Variants in NRXN3 observed in about 807,000 individuals in gnomAD.
NRXN3 encodes neurexin III.
A neutral mutation model predicts 137.6 loss-of-function variants in NRXN3; 32 were observed. The observed-to-expected ratio is 0.23, with a 90% confidence interval of 0.18 to 0.31. NRXN3 has a LOEUF of 0.31. Ranked by LOEUF, NRXN3 falls within the 10% of genes least tolerant of loss-of-function variation. The pLI, the probability that NRXN3 is intolerant of heterozygous loss-of-function variation, is 1.00. For synonymous variants in NRXN3, 798 were observed against 784.5 expected, an observed-to-expected ratio of 1.02 and a Z score of -0.29; for missense variants, 1,574 against 2,062.5, an observed-to-expected ratio of 0.76 and a Z score of 4.59.
At chr14:79,101,635 T>C (rs1033124649) in intron 15 of NRXN3, among the ~76,000 whole-genome samples, 10 of 152,186 alleles carry the variant, frequency 6.6e-5, no homozygotes, top group African/African-American at 2.2e-4. Context: ...TTCTCCATCC[T>C]GTGTGCGGCA....
intron 16 of NRXN3, among the ~76,000 whole-genome samples, chr14:79,502,344 G>A (rs758593120): frequency 2.8e-4 from 43 of 152,154 alleles, no homozygotes; most frequent in Non-Finnish European, 5.4e-4. Context: ...CAGACCCTCC[G>A]AGTGAAGTAC....
chr14:78,877,851 T>C (rs1374641656), intron 10 of NRXN3, among the ~76,000 whole-genome samples: 1 of 152,206 alleles, frequency 6.6e-6, no homozygotes, highest in Admixed American at 6.5e-5. Context: ...AGGTGCCAGA[T>C]ACTATGTTGG....
At chr14:78,207,640 T>C (rs2062338355) in intron 1 of NRXN3, among the ~76,000 whole-genome samples, 1 of 152,208 alleles carries the variant, frequency 6.6e-6, no homozygotes, top group Admixed American at 6.5e-5. Context: ...GGGTAGCATC[T>C]CCATCTATCC....
chr14:78,536,385 C>A (rs2096535518), intron 4 of NRXN3, among the ~76,000 whole-genome samples: 1 of 152,202 alleles, frequency 6.6e-6, no homozygotes, highest in South Asian at 2.1e-4. Context: ...CTGCACTTCA[C>A]TCTTGGTCTG....
At chr14:78,771,194 A>G (rs2098726631) in intron 8 of NRXN3, among the ~76,000 whole-genome samples, 1 of 152,146 alleles carries the variant, frequency 6.6e-6, no homozygotes, top group Non-Finnish European at 1.5e-5. Context: ...TCTGGAGCAA[A>G]AACCACCTCT....
intron 4 of NRXN3, among the ~76,000 whole-genome samples, chr14:78,588,717 C>T (rs2097090678): frequency 2.0e-5 from 3 of 152,226 alleles, no homozygotes; most frequent in Non-Finnish European, 4.4e-5. Context: ...TGTGAAGCAT[C>T]ATTCTTAAGG....
intron 4 of NRXN3, among the ~76,000 whole-genome samples, chr14:78,366,788 C>T (rs1167130617): frequency 6.6e-6 from 1 of 152,224 alleles, no homozygotes; most frequent in Non-Finnish European, 1.5e-5. Context: ...TTACCTCCCA[C>T]TGGGTTCCTC....
In NRXN3 at chr14:79,212,591, T is replaced by C. The variant is rs374288162; in HGVS notation, c.3262+224450T>C. On this transcript the variant is annotated intron_variant, in intron 15 of 20. Transcript: ENST00000335750. ...GTTAATACCTATACTTTATACCTGTTGTTTTAAATGAGGCAGTTCTTCCTC... is the reference window on the plus strand; with the variant it reads ...GTTAATACCTATACTTTATACCTGTCGTTTTAAATGAGGCAGTTCTTCCTC... 5.9e-5 allele frequency among the ~76,000 whole-genome samples: 9 copies of C among 152,328 alleles called. No homozygotes were observed. The South Asian group carries it at 1.0e-3, about 18-fold the overall frequency.
chr14:78,285,051 C>A (rs1324794677), intron 3 of NRXN3, among the ~76,000 whole-genome samples: 2 of 152,190 alleles, frequency 1.3e-5, no homozygotes, highest in African/African-American at 2.4e-5. Context: ...CGCCCTTGGG[C>A]AAGTCATGTA....
rs913941322 is a variant in NRXN3 at position 79,087,077 on chromosome 14, TC to T, written c.3262+98937del. Among the ~76,000 whole-genome samples the T allele has an allele frequency of 4.7e-4, 71 of 152,236 alleles. 1 individual carries two copies. The highest frequency in any genetic ancestry group is 8.4e-4 in the Non-Finnish European group (57 of 68,018). On this transcript the variant is annotated intron_variant, in intron 15 of 20. Transcript: ENST00000335750. ...AACCCAGAAGTGGCCAACCTGAAGATCAATTCCTTGTCTACGAGGAACATCT... is the reference window on the plus strand; with the variant it reads ...AACCCAGAAGTGGCCAACCTGAAGATAATTCCTTGTCTACGAGGAACATCT...
chr14:79,808,111 G>A (rs970791234), intron 20 of NRXN3, among the ~76,000 whole-genome samples: 5 of 151,860 alleles, frequency 3.3e-5, no homozygotes, highest in South Asian at 4.2e-4. Context: ...GGTGGCAGGC[G>A]CCTGTAGTCC....
chr14:79,500,242 A>AC (rs975016037), intron 16 of NRXN3, among the ~76,000 whole-genome samples: 2 of 149,424 alleles, frequency 1.3e-5, no homozygotes, highest in African/African-American at 5.0e-5. Context: ...AAGGCAAAAA[A>AC]AAAAAAAAAA....
At chr14:79,492,451 C>T (rs1235129957) in intron 16 of NRXN3, among the ~76,000 whole-genome samples, 2 of 151,990 alleles carry the variant, frequency 1.3e-5, no homozygotes, top group African/African-American at 2.4e-5. Context: ...GGCGCCATCT[C>T]GCCTTACCAC....
intron 4 of NRXN3, among the ~76,000 whole-genome samples, chr14:78,331,169 T>A: frequency 6.6e-6 from 1 of 152,192 alleles, no homozygotes; most frequent in African/African-American, 2.4e-5. Context: ...ATGAGTTGAC[T>A]TTTAGAGCTG....
At chr14:79,103,979 T>C (rs2202183) in intron 15 of NRXN3, among the ~76,000 whole-genome samples, 76,200 of 151,794 alleles carry the variant, frequency 0.5, 22,320 homozygotes, top group East Asian at 0.78. Flanking sequence ...TGTGCACACA[T>C]ATGAATAGAT....
intron 19 of NRXN3, among the ~76,000 whole-genome samples, chr14:79,783,410 A>G (rs2099120023): frequency 6.6e-6 from 1 of 152,196 alleles, no homozygotes; most frequent in Non-Finnish European, 1.5e-5. Context: ...TTTAGAAAAG[A>G]GAGAGCTTGA....
chr14:78,183,583 T>C (rs2059992999), intron 1 of NRXN3, among the ~76,000 whole-genome samples: 1 of 152,226 alleles, frequency 6.6e-6, no homozygotes, highest in Non-Finnish European at 1.5e-5. Context: ...GTGGAGTTCA[T>C]TTCTTTCATA....
intron 15 of NRXN3, among the ~76,000 whole-genome samples, chr14:79,090,967 G>C (rs752047369): frequency 6.6e-6 from 1 of 151,970 alleles, no homozygotes; most frequent in Non-Finnish European, 1.5e-5. Flanking sequence ...CACAAACCAT[G>C]TGGCCAAGAG....
intron 4 of NRXN3, among the ~76,000 whole-genome samples, chr14:78,423,600 T>C (rs1011466543): frequency 2.0e-5 from 3 of 152,302 alleles, no homozygotes; most frequent in East Asian, 1.9e-4. Context: ...TAATTAAGAC[T>C]AAAGGCCCAC....
Sources: gnomAD v4.1 joint callset for allele counts (sites outside exome capture counted in the v4.1 genomes callset) on GRCh38, gnomAD v4.1.1 for gene constraint, MANE v1.5 for transcripts, NCBI Gene and HGNC (gene_info 2026-07-23, HGNC 2026-07-21) for gene names.